COL1A1: variants seen among roughly 807,000 people sequenced by gnomAD.
COL1A1 encodes collagen type I alpha 1 chain.
In COL1A1, 21 loss-of-function variants were observed where a neutral mutation model predicts 195.7. The ratio of observed to expected loss-of-function variants is 0.11; its 90% CI spans 0.08 to 0.15. The LOEUF (loss-of-function observed/expected upper bound fraction) is 0.15, where lower values mean the gene tolerates loss of function less well. Among genes scored for constraint, COL1A1 ranks in the 10% least tolerant of loss-of-function variants. The probability of loss-of-function intolerance (pLI) is 1.00; values close to 1 mark genes in which losing one functional copy is unlikely to be tolerated. For missense variants in COL1A1, 1,365 were observed against 2,051.0 expected, an observed-to-expected ratio of 0.67 and a Z score of 6.46; for synonymous variants, 749 against 747.3, an observed-to-expected ratio of 1.00 and a Z score of -0.04.
Position 50,195,724 on chromosome 17 carries a change from G to C in COL1A1, c.1057-59C>G. On this transcript the variant is annotated intron_variant, in intron 16 of 50. Transcript: ENST00000225964. This position sits in a 1 kb window ranked among gnomAD's most constrained non-coding sequence, Gnocchi z 4.3. Reference sequence around the variant, plus strand: ...CCTGGGAAACCCAACCTTGCCTCTCGGGATGGCAGGAGGAAGGGGAGACAG... The same window carrying C: ...CCTGGGAAACCCAACCTTGCCTCTCCGGATGGCAGGAGGAAGGGGAGACAG... 1 of 1,537,572 alleles carries C rather than the reference G, an allele frequency of 6.5e-7. No individual in the cohort carries two copies. Among genetic ancestry groups the C allele is most frequent in the Non-Finnish European group, 8.9e-7 (1 of 1,118,348 alleles).
At position 50,199,271 on chromosome 17, in the gene COL1A1, T is replaced by C; in HGVS notation, c.426A>G (p.Gly142=). The C allele has an allele frequency of 6.6e-7, 1 of 1,506,750 alleles. No homozygotes were observed. Among genetic ancestry groups the C allele is most frequent in the Admixed American group, 2.1e-5 (1 of 47,882 alleles). The allele number at this position is 1,506,750 out of a possible 1,614,324, so 93.3% of individuals were successfully genotyped here. The change falls in exon 5 of 51, where the codon GGA becomes GGG. Residue 142 remains glycine, a synonymous_variant. Transcript: ENST00000225964. ...CGGGAGGTCCGGGGGGTCCGGGGGG[T>C]CCGGGAAGTCCAGGCTGTCCAGGGA... The part of the protein sequence containing the change: ...DGIPGQPGLP[G]PPGPPGPPGP...
rs1374688812 is a variant in COL1A1, at chr17:50,185,970, C to A, written c.4056G>T (p.Leu1352=). The A allele has an allele frequency of 6.2e-7, 1 of 1,613,870 alleles. No individual in the cohort carries two copies. Among genetic ancestry groups the A allele is most frequent in the African/African-American group, 1.3e-5 (1 of 75,008 alleles). ...GSDPADVAIQ[L]TFLRLMSTEA... ...CGGTGGACATCAGGCGCAGGAAGGT[C>A]AGCTGGATGGCCACATCGGCAGGGT... Residue 1352 remains leucine, a synonymous_variant, in exon 50 of 51, where the codon CTG becomes CTT. Coordinates refer to ENST00000225964, the MANE Select transcript of COL1A1 (RefSeq NM_000088.4).
At position 50,195,997 on chromosome 17, in the gene COL1A1, T is replaced by A; in HGVS notation, c.1003-21A>T. ...GGACCCTGTGAATGAAATGGAGATG[T>A]CAGCGAGAAGGAAGAGATGGCAGCT... On this transcript the variant is annotated intron_variant, in intron 15 of 50. Transcript: ENST00000225964. The surrounding 1 kb of genome is among the most constrained non-coding windows in gnomAD (Gnocchi z 4.3). The A allele has an allele frequency of 6.3e-7, 1 of 1,596,918 alleles. No homozygotes were observed. The highest frequency in any genetic ancestry group is 8.5e-7 in the Non-Finnish European group (1 of 1,171,504).
In COL1A1 at chr17:50,194,884, C is replaced by T. The variant is rs1907436309; in HGVS notation, c.1354-56G>A. On this transcript the variant is annotated intron_variant, in intron 20 of 50. Transcript: ENST00000225964. This position sits in a 1 kb window ranked among gnomAD's most constrained non-coding sequence, Gnocchi z 6.8. ...GTGGTGAGGGGCCATCCTGTGCCAG[C>T]CTCAGAGCCGGCTGAGGCTGGGCCT... is the stretch of plus-strand genomic sequence containing the variant. The T allele has an allele frequency of 1.3e-6, 2 of 1,553,992 alleles. No homozygotes were observed. Among genetic ancestry groups the T allele is most frequent in the African/African-American group, 2.7e-5 (2 of 73,830 alleles).
At chr17:50,196,745 G>T in intron 11 of COL1A1, 75 bp from the exon 12 acceptor site, 1 of 1,524,986 alleles carries the variant, frequency 6.6e-7, no homozygotes, top group Non-Finnish European at 9.1e-7. Context: ...CTAGATCTGA[G>T]AAAGAGCCTT....
rs550354578 is a variant in COL1A1, at chr17:50,191,006, G to A, written c.2236-82C>T. 307 of 1,328,232 alleles carry A rather than the reference G, an allele frequency of 2.3e-4. 1 individual carries two copies. The highest frequency in any genetic ancestry group is 1.3e-5 in the Non-Finnish European group (12 of 933,958). 82.3% of individuals were successfully genotyped at this position (1,328,232 alleles called of 1,614,324 possible). On this transcript the variant is annotated intron_variant, in intron 32 of 50. Transcript: ENST00000225964. ...TGTTCTGCTTGTGTCTGGGTTTCCT[G>A]AGAGGCCCTCTGCAGCTCTGCCCTG...
chr17:50,188,999 G>T lies in COL1A1; in HGVS notation c.2949C>A (p.Gly983=), dbSNP rs201236489. The T allele has an allele frequency of 6.2e-6, 10 of 1,612,752 alleles. No individual in the cohort carries two copies. In the East Asian group the frequency reaches 2.0e-4, roughly 32 times the overall value. ...PGLPGPSGEP[G]KQGPSGASGE... is the part of the protein sequence containing the mutation. ...CACTTGCTCCAGAGGGACCTTGTTT[G>T]CCAGGTTCACCCTAAGGGAGAAGAA... The change falls in exon 41 of 51, where the codon GGC becomes GGA. Residue 983 remains glycine, a synonymous_variant. Transcript: ENST00000225964. This position sits in a 1 kb window ranked among gnomAD's most constrained non-coding sequence, Gnocchi z 5.6.
Position 50,196,609 on chromosome 17 carries a change from C to T in COL1A1, c.858+8G>A, listed in dbSNP as rs1907613883. On this transcript the variant is annotated splice_region_variant and intron_variant, in intron 12 of 50. Coordinates refer to ENST00000225964, the MANE Select transcript of COL1A1 (RefSeq NM_000088.4). Reference sequence around the variant, plus strand: ...GTGGAGGACCATGATGTTCAGACAGCCTCTTACCTTAGGACCAGCAGGACC... The same window carrying T: ...GTGGAGGACCATGATGTTCAGACAGTCTCTTACCTTAGGACCAGCAGGACC... The T allele has an allele frequency of 6.2e-7, 1 of 1,614,044 alleles. No homozygotes were observed. The highest frequency in any genetic ancestry group is 1.3e-5 in the African/African-American group (1 of 74,900).
chr17:50,185,338 G>C lies in COL1A1; in HGVS notation c.*164C>G, dbSNP rs912288472. ...TCGGTTGGTCAAAGATAAAAACTAA[G>C]TTTGAGAGATGAATGCAAAGGAAAA... On this transcript the variant is annotated 3_prime_UTR_variant, in exon 51 of 51. Coordinates refer to ENST00000225964, the MANE Select transcript of COL1A1 (RefSeq NM_000088.4). 1.4e-4 allele frequency: 87 copies of C among 633,574 alleles called. No individual in the cohort carries two copies. In the African/African-American group the frequency reaches 1.7e-3, roughly 12 times the overall value. 39.2% of individuals were successfully genotyped at this position (633,574 alleles called of 1,614,324 possible).
rs144911083 is a variant in COL1A1 at position 50,190,709 on chromosome 17, G to A, written c.2343+108C>T. On this transcript the variant is annotated intron_variant, in intron 33 of 50. Transcript: ENST00000225964. The surrounding 1 kb of genome is among the most constrained non-coding windows in gnomAD (Gnocchi z 4.7). ...GTCCCTCCAGGTTCCCAGGTTGACA[G>A]CTCAGTTTGGCAGGACCTGCTCTCC... 4.1e-3 allele frequency: 6,158 copies of A among 1,486,168 alleles called. 25 individuals carry two copies. Among genetic ancestry groups the A allele is most frequent in the Non-Finnish European group, 4.3e-3 (4,546 of 1,069,554 alleles). 92.1% of individuals were successfully genotyped at this position (1,486,168 alleles called of 1,614,324 possible).
chr17:50,191,745 G>A, intron 31 of COL1A1, 43 bp downstream of exon 31: 1 of 1,545,690 alleles, frequency 6.5e-7, no homozygotes, highest in Non-Finnish European at 8.8e-7. Flanking sequence ...GTGAGACCTG[G>A]TCCCTGGGCC....
rs149419718 is a variant in COL1A1, at chr17:50,184,337, G to C, written c.*1165C>G. 7.7e-3 allele frequency: 1,791 copies of C among 231,932 alleles called. 16 individuals carry two copies. Among genetic ancestry groups the C allele is most frequent in the Non-Finnish European group, 9.7e-3 (1,131 of 117,084 alleles). The allele number at this position is 231,932 out of a possible 1,614,324, so 14.4% of individuals were successfully genotyped here. A position where few individuals can be genotyped will look rare whatever the true frequency, so the allele number is the denominator to read the frequency against. ...GTGGAGGAGGGTTTCAGAGGAGAGAGGTCGGAGAGCAGAGGCCTGAGAAGC... is the reference window on the plus strand; with the variant it reads ...GTGGAGGAGGGTTTCAGAGGAGAGACGTCGGAGAGCAGAGGCCTGAGAAGC... On this transcript the variant is annotated 3_prime_UTR_variant, in exon 51 of 51. Transcript: ENST00000225964.
rs370986177 is a variant in COL1A1, at chr17:50,188,495, G to A, written c.3207+35C>T. 1.3e-5 allele frequency: 20 copies of A among 1,590,848 alleles called. No homozygotes were observed. In the African/African-American group the frequency reaches 2.5e-4, roughly 20 times the overall value. On this transcript the variant is annotated intron_variant, in intron 43 of 50. Coordinates refer to ENST00000225964, the MANE Select transcript of COL1A1 (RefSeq NM_000088.4). This position sits in a 1 kb window ranked among gnomAD's most constrained non-coding sequence, Gnocchi z 5.6. ...AGGAGGCCTGAAGAGTCCCTGGCCT[G>A]ACCAGGTACAGGGAACTGGAGCCCA...
chr17:50,190,776 G>T lies in COL1A1; in HGVS notation c.2343+41C>A. 6.4e-7 allele frequency: 1 copy of T among 1,562,120 alleles called. No individual in the cohort carries two copies. Among genetic ancestry groups the T allele is most frequent in the Non-Finnish European group, 8.8e-7 (1 of 1,132,936 alleles). On this transcript the variant is annotated intron_variant, in intron 33 of 50. Coordinates refer to ENST00000225964, the MANE Select transcript of COL1A1 (RefSeq NM_000088.4). This position sits in a 1 kb window ranked among gnomAD's most constrained non-coding sequence, Gnocchi z 4.7. ...AACCGTGCCCAGGCCTGCTGAGGAG[G>T]CTATGTGTTAGGGCAGAAGGTGGGG... is the stretch of plus-strand genomic sequence containing the variant.
chr17:50,191,528 G>A lies in COL1A1; in HGVS notation c.2128-38C>T, dbSNP rs755698811. 5.0e-6 allele frequency: 8 copies of A among 1,596,874 alleles called. No homozygotes were observed. In the South Asian group the frequency reaches 5.5e-5, roughly 11 times the overall value. On this transcript the variant is annotated intron_variant, in intron 31 of 50. Coordinates refer to ENST00000225964, the MANE Select transcript of COL1A1 (RefSeq NM_000088.4). ...CAAGAAGACTGGAGTGAGGCCTGGG[G>A]CCCCAAGAGTGGGTCACAGCCCTAA... is the stretch of plus-strand genomic sequence containing the variant.
At position 50,192,719 on chromosome 17, in the gene COL1A1, C is replaced by G. The variant is rs781543878; in HGVS notation, c.1876-26G>C. 3.1e-6 allele frequency: 5 copies of G among 1,613,884 alleles called. No homozygotes were observed. In the African/African-American group the frequency reaches 4.0e-5, roughly 13 times the overall value. On this transcript the variant is annotated intron_variant, in intron 27 of 50. Coordinates refer to ENST00000225964, the MANE Select transcript of COL1A1 (RefSeq NM_000088.4). ...CTGCACAGAGAGAACACTACAGTCA[C>G]GGGGAGGCCGAGGAGACGAGGGGCT...
In COL1A1 at chr17:50,195,891, G is replaced by A; in HGVS notation, c.1056+32C>T. ...AGACATGAACCCCTTGGCCCATGAG[G>A]GTCATGCTTAGAGGAGAGTGGGGGG... On this transcript the variant is annotated intron_variant, in intron 16 of 50. Transcript: ENST00000225964. This position sits in a 1 kb window ranked among gnomAD's most constrained non-coding sequence, Gnocchi z 4.3. 1 of 1,562,042 alleles carries A rather than the reference G, an allele frequency of 6.4e-7. No individual in the cohort carries two copies.
intron 5 of COL1A1, 55 bp from the exon 6 acceptor site, chr17:50,198,559 G>GT: frequency 7.2e-7 from 1 of 1,398,400 alleles, no homozygotes; most frequent in Non-Finnish European, 1.0e-6. Flanking sequence ...GGCAGAAGAC[G>GT]GCACTGAGGA....
chr17:50,200,043 A>T, intron 1 of COL1A1, 96 bp from the exon 2 acceptor site: 1 of 1,287,606 alleles, frequency 7.8e-7, no homozygotes, highest in Non-Finnish European at 1.1e-6. Flanking sequence ...TGGATTTTTC[A>T]CTTCCCGCCC....
Sources: gnomAD v4.1 joint callset for allele counts on GRCh38, gnomAD v4.1.1 for gene constraint, Gnocchi (gnomAD v3.1) non-coding constraint, MANE v1.5 for transcripts, NCBI Gene and HGNC (gene_info 2026-07-23, HGNC 2026-07-21) for gene names.